The following DSTYK variants were observed in gnomAD, a reference collection of about 807,000 sequenced individuals.
DSTYK encodes dual serine/threonine and tyrosine protein kinase, also known as RIP-homologous kinase.
Under a neutral mutation model 98.7 loss-of-function variants are expected in DSTYK, and 34 were observed. That is an observed-to-expected ratio of 0.34 (90% CI 0.26 to 0.46). The LOEUF (loss-of-function observed/expected upper bound fraction) is 0.46. DSTYK is among the 20% of genes least tolerant of loss of function. The pLI is 1.00. For missense variants in DSTYK, 962 were observed against 1,181.7 expected (o/e 0.81, Z 2.73); for synonymous variants, 462 against 457.3 (o/e 1.01, Z -0.13).
chr1:205,174,513 C>CA (rs1161752883), intron 2 of DSTYK, among the ~76,000 whole-genome samples: 58 of 97,092 alleles, frequency 6.0e-4, no homozygotes, highest in African/African-American at 1.6e-3. Flanking sequence ...ACTCCGTCTC[C>CA]AAAAAAAAAA....
intron 3 of DSTYK, among the ~76,000 whole-genome samples, chr1:205,167,525 G>A (rs1226430492): frequency 6.6e-6 from 1 of 152,216 alleles, no homozygotes; most frequent in African/African-American, 2.4e-5. Context: ...CAGGTTTAAG[G>A]CAGGGTGTTA....
intron 2 of DSTYK, among the ~76,000 whole-genome samples, chr1:205,174,269 C>T (rs1466677291): frequency 2.6e-5 from 4 of 151,768 alleles, no homozygotes; most frequent in Non-Finnish European, 5.9e-5. Flanking sequence ...AATCCCAGCA[C>T]TTTGGGAGGC....
At chr1:205,154,736 G>A (rs528530199) in intron 10 of DSTYK, among the ~76,000 whole-genome samples, 4 of 152,296 alleles carry the variant, frequency 2.6e-5, no homozygotes, top group Admixed American at 2.0e-4. Flanking sequence ...GGAAAATGTG[G>A]GAAAGTTTGG....
chr1:205,153,495 T>C (rs893068645), intron 10 of DSTYK, among the ~76,000 whole-genome samples: 2 of 152,164 alleles, frequency 1.3e-5, no homozygotes, highest in Non-Finnish European at 2.9e-5. Context: ...CTGGATTGGA[T>C]CCTGTATCAA....
intron 1 of DSTYK, 31 bp from the exon 2 acceptor site, chr1:205,187,837 G>A (rs770677415): frequency 6.4e-7 from 1 of 1,561,190 alleles, no homozygotes; most frequent in Non-Finnish European, 8.7e-7. Context: ...TGGAGGAAGA[G>A]AAAGGAGTAG....
chr1:205,156,852 C>G (rs955025212), intron 10 of DSTYK, among the ~76,000 whole-genome samples: 1 of 152,146 alleles, frequency 6.6e-6, no homozygotes, highest in Non-Finnish European at 1.5e-5. Flanking sequence ...TTCCCATAAT[C>G]TGCATGTGTT....
chr1:205,190,007 G>C (rs1253966388), intron 1 of DSTYK, among the ~76,000 whole-genome samples: 2 of 152,184 alleles, frequency 1.3e-5, no homozygotes, highest in Admixed American at 1.3e-4. Context: ...TTAACAAGTA[G>C]CAACAGGCCA....
chr1:205,170,612 G>A lies in DSTYK; in HGVS notation c.655-780C>T, dbSNP rs112563025. Among the ~76,000 whole-genome samples, 1,004 of 152,252 alleles carry A rather than the reference G, an allele frequency of 6.6e-3. 8 individuals carry two copies. The highest frequency in any genetic ancestry group is 0.01 in the Non-Finnish European group (682 of 68,008). On this transcript the variant is annotated intron_variant, in intron 2 of 12. Transcript: ENST00000367162. ...CCTGTTCTGAGTCTGTAGATATCCC[G>A]AAGTCTTAGCAACCTAAGTCTAAGA...
chr1:205,147,661 C>T lies in DSTYK; in HGVS notation c.2687G>A (p.Arg896Lys), dbSNP rs1171623752. The T allele has an allele frequency of 6.2e-7, 1 of 1,614,144 alleles. No individual in the cohort carries two copies. ...EACWDGDPLK[R>K]PLLGIVQPML... ...GGGCTGGACAATGCCCAAGAGAGGC[C>T]TCTTCAAGGGGTCGCCATCCCAACA... The change falls in exon 13 of 13, where the codon AGG becomes AAG. Residue 896 changes from arginine (R) to lysine (K), a missense_variant. Coordinates refer to ENST00000367162, the MANE Select transcript of DSTYK (RefSeq NM_015375.3).
intron 1 of DSTYK, among the ~76,000 whole-genome samples, chr1:205,197,727 T>G (rs1167039096): frequency 6.6e-6 from 1 of 152,240 alleles, no homozygotes; most frequent in Non-Finnish European, 1.5e-5. Flanking sequence ...CTTCCTGTGA[T>G]GTTTACTATT....
Position 205,162,918 on chromosome 1 carries a change from C to G in DSTYK, c.1641+5G>C, listed in dbSNP as rs376837572. 5.0e-6 allele frequency: 8 copies of G among 1,608,866 alleles called. No homozygotes were observed. The African/African-American group carries it at 1.1e-4, about 22-fold the overall frequency. ...TGAAATCTTTCTCTAAGTAATAATC[C>G]CTACCTGTTTGATTTGCTCCCATAG... is the stretch of plus-strand genomic sequence containing the variant. On this transcript the variant is annotated splice_donor_5th_base_variant and intron_variant, in intron 5 of 12. Transcript: ENST00000367162.
chr1:205,191,645 T>C (rs1350230487), intron 1 of DSTYK, among the ~76,000 whole-genome samples: 1 of 152,154 alleles, frequency 6.6e-6, no homozygotes, highest in East Asian at 1.9e-4. Flanking sequence ...GTGAATTTAA[T>C]TACGCAAGTG....
chr1:205,178,487 A>C (rs1658299266), intron 2 of DSTYK, among the ~76,000 whole-genome samples: 1 of 152,162 alleles, frequency 6.6e-6, no homozygotes, highest in Non-Finnish European at 1.5e-5. Flanking sequence ...AATAGAAAGG[A>C]GGGAAAACTT....
chr1:205,171,042 A>T (rs1163809573), intron 2 of DSTYK, among the ~76,000 whole-genome samples: 1 of 151,680 alleles, frequency 6.6e-6, no homozygotes, highest in African/African-American at 2.4e-5. Flanking sequence ...AAAAAAAAAA[A>T]ACCCAAAAAC....
intron 1 of DSTYK, among the ~76,000 whole-genome samples, chr1:205,197,590 A>G (rs1431642064): frequency 6.6e-6 from 1 of 152,004 alleles, no homozygotes; most frequent in African/African-American, 2.4e-5. Flanking sequence ...ATAGGATTTT[A>G]CTTGACAAGA....
intron 1 of DSTYK, among the ~76,000 whole-genome samples, chr1:205,203,267 G>A (rs1159718534): frequency 2.0e-5 from 3 of 150,584 alleles, no homozygotes; most frequent in Non-Finnish European, 3.0e-5. Context: ...CAGATCACTT[G>A]AGGCCAGGAG....
chr1:205,176,476 TAAAAAAAAAAAAAAAAAAA>T (rs61291677), intron 2 of DSTYK, among the ~76,000 whole-genome samples: 4 of 43,204 alleles, frequency 9.3e-5, no homozygotes, highest in African/African-American at 2.1e-4. Flanking sequence ...AACTCCCTCT[TAAAAAAAAAAAAAAAAAAA>T]AAAAAAAAAA....
rs765138099 is a variant in DSTYK at position 205,163,884 on chromosome 1, C to G, written c.1396G>C (p.Glu466Gln). 2.5e-6 allele frequency: 4 copies of G among 1,614,124 alleles called. No homozygotes were observed. In the Admixed American group the frequency reaches 5.0e-5, roughly 20 times the overall value. Residue 466 changes from glutamate (E) to glutamine (Q), a missense_variant, in exon 4 of 13, where the codon GAA becomes CAA. This residue lies in a region of DSTYK where 660 missense variants were observed against 855.0 expected (regional missense o/e 0.77). Coordinates refer to ENST00000367162, the MANE Select transcript of DSTYK (RefSeq NM_015375.3). ...TGATTAAGTCGGGAGATGATGAGTT[C>G]CTGGATCTGTCGGATGCAGCATTTG... ...EIKCCIRQIQ[E>Q]LIISRLNQAV...
chr1:205,211,400 G>A lies in DSTYK; in HGVS notation c.136C>T (p.Arg46Cys), dbSNP rs1435180858. ...TCGCGGAAGAACTTCTGGGTCTCGC[G>A]CAGGTTCTGTCGCAGCCGTCCCAGG... ...RYLGRLRQNL[R>C]ETQKFFRDIK... Residue 46 changes from arginine (R) to cysteine (C), a missense_variant, in exon 1 of 13, where the codon CGC becomes TGC. Transcript: ENST00000367162. The A allele has an allele frequency of 1.9e-6, 3 of 1,611,350 alleles. No individual in the cohort carries two copies. Among genetic ancestry groups the A allele is most frequent in the Non-Finnish European group, 2.5e-6 (3 of 1,179,364 alleles).
Sources: gnomAD v4.1 joint callset for allele counts (sites outside exome capture counted in the v4.1 genomes callset) on GRCh38, gnomAD v4.1.1 for gene constraint, gnomAD v4.1.1 regional missense constraint, MANE v1.5 for transcripts, NCBI Gene and HGNC (gene_info 2026-07-23, HGNC 2026-07-21) for gene names.